ESR1: variants seen among roughly 807,000 people sequenced by gnomAD.
The protein encoded by ESR1 is estrogen receptor.
ESR1 carries 12 observed loss-of-function variants against 52.7 expected under a neutral mutation model. The ratio of observed to expected loss-of-function variants is 0.23; its 90% CI spans 0.15 to 0.37. The LOEUF (loss-of-function observed/expected upper bound fraction) is 0.37. ESR1 is among the 10% of genes least tolerant of loss of function. The pLI is 1.00. For synonymous variants in ESR1, 305 were observed against 316.8 expected (o/e 0.96, Z 0.39); for missense variants, 584 against 779.7 (o/e 0.75, Z 2.99).
rs965173578 is a variant in ESR1, at chr6:152,100,033, A to C, written c.*1067A>C. The C allele has an allele frequency of 1.5e-5, 6 of 398,756 alleles. No individual in the cohort carries two copies. The highest frequency in any genetic ancestry group is 8.8e-5 in the Admixed American group (2 of 22,736). The allele number at this position is 398,756 out of a possible 1,614,324, so 24.7% of individuals were successfully genotyped here. ...TTGTGGCTACTAGAGAACAAGAGGG[A>C]AAGTAGGGCAGAAACTGGATACAGT... is the stretch of plus-strand genomic sequence containing the variant. On this transcript the variant is annotated 3_prime_UTR_variant, in exon 8 of 8. Coordinates refer to ENST00000206249, the MANE Select transcript of ESR1 (RefSeq NM_000125.4).
At chr6:151,818,353 T>C (rs1047612031) in intron 1 of ESR1, among the ~76,000 whole-genome samples, 4 of 152,216 alleles carry the variant, frequency 2.6e-5, no homozygotes, top group African/African-American at 9.6e-5. Flanking sequence ...GGTTTTGGGC[T>C]CCACACAATG....
intron 6 of ESR1, among the ~76,000 whole-genome samples, chr6:152,068,415 A>G (rs183111106): frequency 9.2e-5 from 14 of 152,318 alleles, no homozygotes; most frequent in African/African-American, 3.1e-4. Flanking sequence ...TGACCACACA[A>G]TTCATCTGGG....
chr6:151,945,157 A>G lies in ESR1; in HGVS notation c.1096+649A>G, dbSNP rs9340905. On this transcript the variant is annotated intron_variant, in intron 4 of 7. Transcript: ENST00000206249. ...GGCTTGAGTCCAGGAGGTCAAAGCT[A>G]CAGTGAACCATGTTTGTGTGGAGTG... 2.4e-3 allele frequency among the ~76,000 whole-genome samples: 359 copies of G among 152,316 alleles called. 1 individual carries two copies. The highest frequency in any genetic ancestry group is 0.012 in the East Asian group (63 of 5,172).
intron 4 of ESR1, among the ~76,000 whole-genome samples, chr6:151,993,656 G>A (rs146890781): frequency 2.1e-3 from 324 of 152,278 alleles, no homozygotes; most frequent in African/African-American, 7.5e-3. Context: ...ACAGCACTTA[G>A]CAATTCATAA....
intron 1 of ESR1, among the ~76,000 whole-genome samples, chr6:151,666,137 TA>T (rs1446820300): frequency 1.3e-5 from 2 of 152,222 alleles, no homozygotes; most frequent in African/African-American, 2.4e-5. Flanking sequence ...GAAATTGATT[TA>T]AAGCTGTAGA....
chr6:152,013,850 T>C (rs1393418157), intron 5 of ESR1, among the ~76,000 whole-genome samples: 2 of 152,164 alleles, frequency 1.3e-5, no homozygotes, highest in East Asian at 3.9e-4. Context: ...GTCTCTTTAC[T>C]ATTGACATTT....
At chr6:151,980,231 A>T (rs1250888170) in intron 4 of ESR1, among the ~76,000 whole-genome samples, 1 of 152,186 alleles carries the variant, frequency 6.6e-6, no homozygotes, top group African/African-American at 2.4e-5. Flanking sequence ...TCCAATTTGT[A>T]TTCTTCTTCT....
chr6:151,937,917 C>T (rs887751182), intron 3 of ESR1, among the ~76,000 whole-genome samples: 2 of 152,176 alleles, frequency 1.3e-5, no homozygotes, highest in African/African-American at 4.8e-5. Context: ...AATGACAGTA[C>T]TTAACCTTAT....
intron 6 of ESR1, among the ~76,000 whole-genome samples, chr6:152,088,517 A>G (rs2049923492): frequency 6.6e-6 from 1 of 152,240 alleles, no homozygotes. Context: ...TTGGTTCAAG[A>G]AGATTCTGCG....
intron 1 of ESR1, among the ~76,000 whole-genome samples, chr6:151,833,508 T>C (rs1191040105): frequency 2.6e-5 from 4 of 151,954 alleles, no homozygotes; most frequent in African/African-American, 4.8e-5. Flanking sequence ...GGAGGACAGG[T>C]TTGCAATGTG....
chr6:151,980,783 A>G (rs1374281918), intron 4 of ESR1, among the ~76,000 whole-genome samples: 3 of 152,190 alleles, frequency 2.0e-5, no homozygotes, highest in African/African-American at 7.2e-5. Context: ...AGCTCAATGC[A>G]ACCTCCGCCT....
At chr6:151,733,425 A>G (rs746948746) in intron 2 of ESR1, among the ~76,000 whole-genome samples, 19 of 152,144 alleles carry the variant, frequency 1.2e-4, no homozygotes, top group Non-Finnish European at 2.1e-4. Context: ...GCCATCTCCA[A>G]TGCCTGGGGC....
In ESR1 at chr6:152,060,980, T is replaced by C; in HGVS notation, c.1236-11T>C. On this transcript the variant is annotated splice_polypyrimidine_tract_variant and intron_variant, in intron 5 of 7. Transcript: ENST00000206249. ...TTTATTTATTTATTTATTTTTGCTATGTTTTCATAGGAACCAGGGAAAATG... is the reference window on the plus strand; with the variant it reads ...TTTATTTATTTATTTATTTTTGCTACGTTTTCATAGGAACCAGGGAAAATG... 1 of 1,583,640 alleles carries C rather than the reference T, an allele frequency of 6.3e-7. No homozygotes were observed. Among genetic ancestry groups the C allele is most frequent in the Non-Finnish European group, 8.6e-7 (1 of 1,161,210 alleles).
Position 151,940,169 on chromosome 6 carries a change from G to A in ESR1, c.761-4004G>A, listed in dbSNP as rs150722294. Among the ~76,000 whole-genome samples the A allele has an allele frequency of 5.6e-3, 851 of 152,204 alleles. 26 individuals carry two copies. Among genetic ancestry groups the A allele is most frequent in the South Asian group, 5.2e-3 (25 of 4,816 alleles). On this transcript the variant is annotated intron_variant, in intron 3 of 7. Transcript: ENST00000206249. ...GCAGCAGGCAAGAGAGTATATGCAA[G>A]GGAACTGCCCTGTATGAAACCATCA...
chr6:151,693,539 C>T (rs74638838), intron 1 of ESR1, among the ~76,000 whole-genome samples: 1 of 152,226 alleles, frequency 6.6e-6, no homozygotes, highest in Admixed American at 6.5e-5. Context: ...GTTACAAATG[C>T]TTCACATTCC....
At chr6:151,946,036 T>C (rs1324468917) in intron 4 of ESR1, among the ~76,000 whole-genome samples, 1 of 152,216 alleles carries the variant, frequency 6.6e-6, no homozygotes, top group East Asian at 1.9e-4. Context: ...TTTTCTTGAG[T>C]ACCTACATAT....
chr6:151,862,742 C>T (rs896456919), intron 2 of ESR1, among the ~76,000 whole-genome samples: 1 of 152,088 alleles, frequency 6.6e-6, no homozygotes, highest in Non-Finnish European at 1.5e-5. Flanking sequence ...CACACTTAGC[C>T]TTTTTCCTAT....
chr6:152,057,619 T>C (rs2047202933), intron 5 of ESR1, among the ~76,000 whole-genome samples: 1 of 151,872 alleles, frequency 6.6e-6, no homozygotes, highest in African/African-American at 2.4e-5. Flanking sequence ...TCTGGGGTCT[T>C]CCTATCATAA....
chr6:151,905,925 A>G (rs542217515), intron 3 of ESR1, among the ~76,000 whole-genome samples: 15 of 152,304 alleles, frequency 9.8e-5, no homozygotes, highest in African/African-American at 3.4e-4. Flanking sequence ...AGATTAATAC[A>G]TGAAACCCAC....
Sources: gnomAD v4.1 joint callset for allele counts (sites outside exome capture counted in the v4.1 genomes callset) on GRCh38, gnomAD v4.1.1 for gene constraint, MANE v1.5 for transcripts, NCBI Gene and HGNC (gene_info 2026-07-23, HGNC 2026-07-21) for gene names.